The following ZNF878 variants were observed in gnomAD, a reference collection of about 807,000 sequenced individuals.
The protein encoded by ZNF878 is zinc finger protein 878.
ZNF878 carries 10 observed loss-of-function variants against 11.1 expected under a neutral mutation model. That is an observed-to-expected ratio of 0.90 (90% CI 0.56 to 1.53). The LOEUF is 1.53. ZNF878 is among the 40% of genes most tolerant of loss of function. The pLI is 0.00. For synonymous variants in ZNF878, 165 were observed against 209.7 expected, an observed-to-expected ratio of 0.79 and a Z score of 1.84; for missense variants, 548 against 626.1, an observed-to-expected ratio of 0.88 and a Z score of 1.33.
chr19:12,052,337 G>A (rs1191788263), intron 1 of ZNF878, among the ~76,000 whole-genome samples: 1 of 152,122 alleles, frequency 6.6e-6, no homozygotes, highest in Non-Finnish European at 1.5e-5. Context: ...AGCCAGGACT[G>A]GGAGTTTCTC....
At chr19:12,052,659 G>A (rs1322582216) in intron 1 of ZNF878, 140 bp downstream of exon 1, 2 of 1,068,710 alleles carry the variant, frequency 1.9e-6, no homozygotes, top group South Asian at 4.0e-5. Context: ...CGAGGGGACC[G>A]AGGGCCGAGC....
intron 1 of ZNF878, among the ~76,000 whole-genome samples, chr19:12,049,037 G>A (rs1237990992): frequency 6.6e-6 from 1 of 150,834 alleles, no homozygotes; most frequent in Non-Finnish European, 1.5e-5. Flanking sequence ...CAGCTACTCG[G>A]GAAGCTAAGG....
chr19:12,046,965 G>A (rs925085192), intron 1 of ZNF878, among the ~76,000 whole-genome samples: 3 of 152,080 alleles, frequency 2.0e-5, no homozygotes, highest in Non-Finnish European at 2.9e-5. Context: ...CTCTGGATGG[G>A]GTAAAGCAAC....
intron 3 of ZNF878, chr19:12,045,979 A>C (rs1975480293): frequency 6.2e-6 from 1 of 161,604 alleles, no homozygotes; most frequent in Admixed American, 6.2e-5. Context: ...TCAGCCTTCC[A>C]AAGTGCTGGG....
chr19:12,045,280 C>T, intron 3 of ZNF878, 71 bp from the exon 4 acceptor site: 1 of 1,258,654 alleles, frequency 7.9e-7, no homozygotes. Flanking sequence ...ATTACACTTG[C>T]ATTTTTAACA....
At chr19:12,046,850 G>A in intron 1 of ZNF878, 90 bp from the exon 2 acceptor site, 1 of 1,550,472 alleles carries the variant, frequency 6.4e-7, no homozygotes, top group Non-Finnish European at 8.7e-7. Flanking sequence ...TCAGGATGCT[G>A]TGGTGTGTGG....
chr19:12,049,460 CAAAA>C (rs59577895), intron 1 of ZNF878, among the ~76,000 whole-genome samples: 16 of 36,036 alleles, frequency 4.4e-4, no homozygotes, highest in South Asian at 2.0e-3. Flanking sequence ...GACTCCCTCT[CAAAA>C]AAAAAAAAAA....
intron 3 of ZNF878, 126 bp from the exon 4 acceptor site, chr19:12,045,335 G>T (rs1975463482): frequency 3.7e-6 from 3 of 811,222 alleles, no homozygotes; most frequent in Middle Eastern, 3.1e-4. Context: ...GAACATGAAT[G>T]GAACACATGC....
At chr19:12,043,711 G>C (rs1335033683), downstream of ZNF878, 13 of 1,278,432 alleles carry the variant, frequency 1.0e-5, no homozygotes, top group Non-Finnish European at 1.4e-5. Context: ...AAAATGCTGA[G>C]ATTACAGGTG....
chr19:12,044,439 A>T lies in ZNF878; in HGVS notation c.962T>A (p.Ile321Asn), dbSNP rs1447959960. The T allele has an allele frequency of 1.2e-6, 2 of 1,612,142 alleles. No homozygotes were observed. The highest frequency in any genetic ancestry group is 8.5e-7 in the Non-Finnish European group (1 of 1,179,486). The change falls in exon 4 of 4, where the codon ATT becomes AAT. Residue 321 changes from isoleucine (I) to asparagine (N), a missense_variant. This residue lies in a region of ZNF878 where 335 missense variants were observed against 358.2 expected (regional missense o/e 0.94). Coordinates refer to ENST00000547628, the MANE Select transcript of ZNF878 (RefSeq NM_001080404.3). ...YECKLCGKGF[I>N]SSTSFRYHEK... ...ATGATAGCGAAAGGAAGTGGAAGAA[A>T]TAAATCCCTTACCACATAGCTTACA...
chr19:12,045,787 C>T (rs1278218287), intron 3 of ZNF878, among the ~76,000 whole-genome samples: 1 of 152,062 alleles, frequency 6.6e-6, no homozygotes, highest in Non-Finnish European at 1.5e-5. Flanking sequence ...AGTGCAGTGG[C>T]ACCATCCTGG....
chr19:12,043,932 GA>G lies in ZNF878; in HGVS notation c.1468del (p.Ser490LeufsTer37), dbSNP rs1170466797. 3.7e-6 allele frequency: 6 copies of G among 1,613,946 alleles called. No individual in the cohort carries two copies. The highest frequency in any genetic ancestry group is 5.1e-6 in the Non-Finnish European group (6 of 1,180,028). On this transcript the variant is annotated frameshift_variant, in exon 4 of 4. Coordinates refer to ENST00000547628, the MANE Select transcript of ZNF878 (RefSeq NM_001080404.3). LOFTEE classifies it low-confidence loss of function (END_TRUNC). ...TTCATGGTAGAGAAAAGAGTTGGAA[GA>G]AATGAAGGCTTTCCCACACTGTTTA... ...KCKQCGKAFI[S>X]SNSFLYHERI...
chr19:12,044,646 T>C lies in ZNF878; in HGVS notation c.755A>G (p.Glu252Gly), dbSNP rs1219597447. The change falls in exon 4 of 4, where the codon GAG (glutamate) becomes GGG (glycine). Residue 252 changes from glutamate (E) to glycine (G), a missense_variant. Glu to Gly is a moderately conservative substitution (Grantham distance 98). Coordinates refer to ENST00000547628, the MANE Select transcript of ZNF878 (RefSeq NM_001080404.3). ...LKRHEKSHTG[E>G]KRYKCKQCDK... Reference sequence around the variant, plus strand: ...ACATTGCTTGCATTTATAGCGTTTCTCTCCAGTGTGACTTTTCTCGTGTCT... The same window carrying C: ...ACATTGCTTGCATTTATAGCGTTTCCCTCCAGTGTGACTTTTCTCGTGTCT... 6.2e-7 allele frequency: 1 copy of C among 1,614,136 alleles called. No homozygotes were observed. The highest frequency in any genetic ancestry group is 8.5e-7 in the Non-Finnish European group (1 of 1,180,028).
In ZNF878 at chr19:12,044,444, T is replaced by A; in HGVS notation, c.957A>T (p.Gly319=). 2 of 1,610,822 alleles carry A rather than the reference T, an allele frequency of 1.2e-6. No individual in the cohort carries two copies. Among genetic ancestry groups the A allele is most frequent in the Non-Finnish European group, 1.7e-6 (2 of 1,178,990 alleles). ...AGCGAAAGGAAGTGGAAGAAATAAA[T>A]CCCTTACCACATAGCTTACACTCAT... ...KPYECKLCGK[G]FISSTSFRYH... is the part of the protein sequence containing the mutation. Residue 319 remains glycine, a synonymous_variant, in exon 4 of 4, where the codon GGA becomes GGT. Transcript: ENST00000547628.
downstream of ZNF878, chr19:12,043,657 T>C: frequency 1.4e-6 from 1 of 725,140 alleles, no homozygotes; most frequent in Non-Finnish European, 2.2e-6. Context: ...CCCAAGCTGG[T>C]CTCAACCTCT....
chr19:12,044,306 T>C lies in ZNF878; in HGVS notation c.1095A>G (p.Lys365=), dbSNP rs1267683593. The C allele has an allele frequency of 6.2e-7, 1 of 1,612,798 alleles. No homozygotes were observed. Among genetic ancestry groups the C allele is most frequent in the Admixed American group, 1.7e-5 (1 of 59,920 alleles). ...TCCCACATTGTTTACATTCAAAGGG[T>C]TTCTCTCCAGTGTGTGTCCTTTCAT... The part of the protein sequence containing the change: ...RIHERTHTGE[K]PFECKQCGKT... The change falls in exon 4 of 4, where the codon AAA becomes AAG. Residue 365 remains lysine (K), a synonymous_variant. Coordinates refer to ENST00000547628, the MANE Select transcript of ZNF878 (RefSeq NM_001080404.3).
At position 12,046,769 on chromosome 19, in the gene ZNF878, T is replaced by G; in HGVS notation, c.4-9A>C. 1.2e-6 allele frequency: 2 copies of G among 1,613,758 alleles called. No homozygotes were observed. The highest frequency in any genetic ancestry group is 4.5e-5 in the East Asian group (2 of 44,868). ...TCAAAGGCCACCGAATCCTGAAATATCCCACATGTGGACAGGAGGATGAGT... is the reference window on the plus strand; with the variant it reads ...TCAAAGGCCACCGAATCCTGAAATAGCCCACATGTGGACAGGAGGATGAGT... On this transcript the variant is annotated splice_polypyrimidine_tract_variant and intron_variant, in intron 1 of 3. Transcript: ENST00000547628.
At chr19:12,047,041 C>T (rs1387525587) in intron 1 of ZNF878, among the ~76,000 whole-genome samples, 1 of 152,084 alleles carries the variant, frequency 6.6e-6, no homozygotes, top group African/African-American at 2.4e-5. Flanking sequence ...CTGGACTGCC[C>T]TTAATGTCCG....
At chr19:12,046,493 T>A (rs1359161966) in intron 2 of ZNF878, 65 bp from the exon 3 acceptor site, 21 of 1,560,836 alleles carry the variant, frequency 1.3e-5, no homozygotes, top group Non-Finnish European at 1.8e-5. Flanking sequence ...AGTTACTTGA[T>A]TCTATGTCCA....
Sources: allele counts gnomAD v4.1 joint callset (sites outside exome capture counted in the v4.1 genomes callset), GRCh38; gene constraint gnomAD v4.1.1; regional missense constraint gnomAD v4.1.1; transcripts MANE v1.5; gene names NCBI Gene and HGNC (gene_info 2026-07-23, HGNC 2026-07-21).